The following RGS7 variants were observed in gnomAD, a reference collection of about 807,000 sequenced individuals.
The protein encoded by RGS7 is regulator of G protein signaling 7.
Under a neutral mutation model 81.1 loss-of-function variants are expected in RGS7, and 27 were observed. That is an observed-to-expected ratio of 0.33 (90% CI 0.25 to 0.46). The LOEUF (loss-of-function observed/expected upper bound fraction) is 0.46, where lower values mean the gene tolerates loss of function less well. RGS7 is among the 20% of genes least tolerant of loss of function. RGS7 has a pLI of 1.00. For missense variants in RGS7, 396 were observed against 607.4 expected, an observed-to-expected ratio of 0.65 and a Z score of 3.66; for synonymous variants, 208 against 207.7, an observed-to-expected ratio of 1.00 and a Z score of -0.01.
At chr1:241,235,635 T>C (rs57553014) in intron 2 of RGS7, among the ~76,000 whole-genome samples, 20 of 83,292 alleles carry the variant, frequency 2.4e-4, no homozygotes, top group Admixed American at 1.0e-3. Context: ...TCTCTCTTTT[T>C]TCTTTTTTCT....
chr1:241,329,597 A>C (rs1274288251), intron 2 of RGS7, among the ~76,000 whole-genome samples: 1 of 152,346 alleles, frequency 6.6e-6, no homozygotes, highest in African/African-American at 2.4e-5. Context: ...GTGATATCAG[A>C]ATACCATACG....
chr1:241,069,982 T>C (rs1242694401), intron 3 of RGS7, among the ~76,000 whole-genome samples: 13 of 152,376 alleles, frequency 8.5e-5, no homozygotes, highest in Non-Finnish European at 4.4e-5. Flanking sequence ...GGGTTTCAGA[T>C]ACTGTAGGTG....
chr1:240,778,827 C>T lies in RGS7; in HGVS notation c.*7-2614G>A, dbSNP rs147813043. On this transcript the variant is annotated intron_variant, in intron 18 of 18. Transcript: ENST00000440928. ...GATTACAGGCACAAGCCACTGCGCCCGGCTGATATCAAAGTTTAATGCTGG... is the reference window on the plus strand; with the variant it reads ...GATTACAGGCACAAGCCACTGCGCCTGGCTGATATCAAAGTTTAATGCTGG... Among the ~76,000 whole-genome samples, 351 of 152,212 alleles carry T rather than the reference C, an allele frequency of 2.3e-3. 2 individuals carry two copies. The highest frequency in any genetic ancestry group is 7.8e-3 in the African/African-American group (322 of 41,546).
intron 6 of RGS7, among the ~76,000 whole-genome samples, chr1:240,895,107 T>G (rs67810065): frequency 0.13 from 19,393 of 152,036 alleles, 1,352 homozygotes; most frequent in Middle Eastern, 0.18. Flanking sequence ...ACTCTCTCCC[T>G]CTTGCTCCTG....
chr1:241,133,281 A>T (rs953714928), intron 2 of RGS7, among the ~76,000 whole-genome samples: 1 of 152,242 alleles, frequency 6.6e-6, no homozygotes, highest in South Asian at 2.1e-4. Context: ...CTATATATCA[A>T]TTTGATAAAC....
intron 10 of RGS7, among the ~76,000 whole-genome samples, chr1:240,822,126 C>T (rs1323969321): frequency 2.6e-5 from 4 of 152,174 alleles, no homozygotes; most frequent in Non-Finnish European, 5.9e-5. Context: ...TTGCCCTTCA[C>T]AATGCGGGTG....
intron 9 of RGS7, among the ~76,000 whole-genome samples, chr1:240,850,292 C>T (rs796787): frequency 0.8 from 122,281 of 152,184 alleles, 49,572 homozygotes; most frequent in African/African-American, 0.9. Context: ...GCTTTGTATC[C>T]TTGAGTCAGA....
chr1:240,868,455 T>A lies in RGS7; in HGVS notation c.609+132A>T. On this transcript the variant is annotated intron_variant, in intron 9 of 18. Coordinates refer to ENST00000440928, the MANE Select transcript of RGS7 (RefSeq NM_001364886.1). The surrounding 1 kb of genome is among the most constrained non-coding windows in gnomAD (Gnocchi z 5.1). ...CCTACACAAAAGTGGTGATCTTTTC[T>A]TAATGAATTCACCAAGATACCATGG... The A allele has an allele frequency of 1.3e-6, 1 of 777,778 alleles. No individual in the cohort carries two copies. The highest frequency in any genetic ancestry group is 2.3e-6 in the Non-Finnish European group (1 of 439,710). The allele number at this position is 777,778 out of a possible 1,614,324, so 48.2% of individuals were successfully genotyped here.
chr1:240,776,433 C>T (rs903270866), intron 18 of RGS7, among the ~76,000 whole-genome samples: 4 of 151,494 alleles, frequency 2.6e-5, no homozygotes, highest in Admixed American at 1.3e-4. Flanking sequence ...CCTCCACCCT[C>T]CTACCCCTCC....
Position 241,234,872 on chromosome 1 carries a change from A to T in RGS7, c.78+120827T>A, listed in dbSNP as rs180912066. 5.9e-3 allele frequency among the ~76,000 whole-genome samples: 894 copies of T among 152,318 alleles called. 5 individuals are homozygous for T. The highest frequency in any genetic ancestry group is 8.8e-3 in the Non-Finnish European group (596 of 68,028). On this transcript the variant is annotated intron_variant, in intron 2 of 18. Transcript: ENST00000440928. The stretch of plus-strand genomic sequence containing the variant: ...GCAAAAGTTAAAAAAAAAAAGGAAA[A>T]AAAGCTTTATGGAATATTACCTTCA...
intron 18 of RGS7, 38 bp downstream of exon 18, chr1:240,800,603 A>G (rs982990674): frequency 7.0e-6 from 9 of 1,292,260 alleles, no homozygotes; most frequent in Non-Finnish European, 7.6e-6. Context: ...TCAACAGACA[A>G]TGCAGACAAA....
chr1:241,243,595 T>C (rs145748172), intron 2 of RGS7, among the ~76,000 whole-genome samples: 1 of 152,150 alleles, frequency 6.6e-6, no homozygotes, highest in Non-Finnish European at 1.5e-5. Flanking sequence ...TCAAAGAAGA[T>C]TCATAGGCTT....
intron 9 of RGS7, among the ~76,000 whole-genome samples, chr1:240,863,838 C>A: frequency 6.6e-6 from 1 of 152,110 alleles, no homozygotes. Context: ...CATATGAAAA[C>A]CATGAGTAAA....
At chr1:241,256,241 A>G (rs2077047140) in intron 2 of RGS7, among the ~76,000 whole-genome samples, 1 of 152,242 alleles carries the variant, frequency 6.6e-6, no homozygotes, top group African/African-American at 2.4e-5. Flanking sequence ...ATTTAAAATT[A>G]TACATTTTTT....
intron 2 of RGS7, among the ~76,000 whole-genome samples, chr1:241,328,945 T>C (rs2148649926): frequency 6.6e-6 from 1 of 152,290 alleles, no homozygotes; most frequent in Middle Eastern, 3.4e-3. Context: ...CACAAACTTG[T>C]ATCTAGAAAT....
chr1:241,254,195 T>A (rs555985807), intron 2 of RGS7, among the ~76,000 whole-genome samples: 1 of 118,934 alleles, frequency 8.4e-6, no homozygotes, highest in Non-Finnish European at 1.7e-5. Flanking sequence ...CAAGACTCCA[T>A]CTCAAAAAAA....
At chr1:241,033,767 G>A (rs751409495) in intron 3 of RGS7, among the ~76,000 whole-genome samples, 11 of 152,010 alleles carry the variant, frequency 7.2e-5, no homozygotes, top group Admixed American at 1.3e-4. Flanking sequence ...AAACCTTTGG[G>A]AATCCTTAAT....
chr1:240,820,624 C>T (rs553605282), intron 10 of RGS7, among the ~76,000 whole-genome samples: 63 of 151,998 alleles, frequency 4.1e-4, no homozygotes, highest in Non-Finnish European at 8.7e-4. Flanking sequence ...GGGATTAGTG[C>T]CCTTATAAAG....
At chr1:240,982,805 T>C (rs1055256102) in intron 4 of RGS7, among the ~76,000 whole-genome samples, 3 of 152,218 alleles carry the variant, frequency 2.0e-5, no homozygotes, top group Admixed American at 2.0e-4. Context: ...TTTATGGACA[T>C]GTATACAGCT....
Sources: allele counts gnomAD v4.1 joint callset (sites outside exome capture counted in the v4.1 genomes callset), GRCh38; gene constraint gnomAD v4.1.1; non-coding constraint Gnocchi (gnomAD v3.1); transcripts MANE v1.5; gene names NCBI Gene and HGNC (gene_info 2026-07-23, HGNC 2026-07-21).